Variants in SLF1 observed in about 807,000 individuals in gnomAD.
The protein encoded by SLF1 is SMC5/6 complex localization factor 1, also known as SMC5-SMC6 complex localization factor protein 1.
Under a neutral mutation model 123.0 loss-of-function variants are expected in SLF1, and 105 were observed. That is an observed-to-expected ratio of 0.85 (90% CI 0.73 to 1.00). The LOEUF (loss-of-function observed/expected upper bound fraction) is 1.00, where lower values mean the gene tolerates loss of function less well. Among genes scored for constraint, SLF1 ranks in the 50% least tolerant of loss-of-function variants. The pLI, the probability that SLF1 is intolerant of heterozygous loss-of-function variation, is 0.00. For synonymous variants in SLF1, 434 were observed against 406.6 expected (o/e 1.07, Z -0.81); for missense variants, 1,239 against 1,223.0 (o/e 1.01, Z -0.20).
chr5:94,649,517 G>A lies in SLF1; in HGVS notation c.658G>A (p.Glu220Lys), dbSNP rs1747438655. 2 of 1,543,460 alleles carry A rather than the reference G, an allele frequency of 1.3e-6. No individual in the cohort carries two copies. Among genetic ancestry groups the A allele is most frequent in the Non-Finnish European group, 1.8e-6 (2 of 1,141,344 alleles). The change falls in exon 6 of 21, where the codon GAA becomes AAA. Residue 220 changes from glutamate (E) to lysine (K), a missense_variant. By Grantham distance (56) the Glu-to-Lys change is moderately conservative (BLOSUM62 1). Coordinates refer to ENST00000265140, the MANE Select transcript of SLF1 (RefSeq NM_032290.4). ...NSVWTEHSNE[E>K]TNKDFRKDAG... ...TGTTTGGACTGAACATAGCAATGAA[G>A]AAACAAACAAAGATTTCAGGAAAGA...
chr5:94,677,531 TTAATTA>T (rs2152492912), intron 14 of SLF1, among the ~76,000 whole-genome samples: 1 of 152,308 alleles, frequency 6.6e-6, no homozygotes, highest in South Asian at 2.1e-4. Context: ...TAATATGGGA[TTAATTA>T]GAAAGAAATT....
intron 17 of SLF1, 134 bp downstream of exon 17, chr5:94,688,803 T>G: frequency 2.1e-6 from 2 of 941,104 alleles, no homozygotes; most frequent in Admixed American, 6.4e-5. Context: ...ATTTTAGATC[T>G]ATTTGATCAA....
At chr5:94,644,529 C>A (rs1378505638) in intron 5 of SLF1, among the ~76,000 whole-genome samples, 1 of 152,158 alleles carries the variant, frequency 6.6e-6, no homozygotes, top group Non-Finnish European at 1.5e-5. Flanking sequence ...TATATGAAAA[C>A]TCCTTCTCCC....
intron 6 of SLF1, among the ~76,000 whole-genome samples, chr5:94,649,969 A>G (rs943037430): frequency 8.5e-5 from 13 of 152,302 alleles, no homozygotes; most frequent in African/African-American, 2.6e-4. Flanking sequence ...AAGTATTTAT[A>G]TAGAATAAAA....
intron 5 of SLF1, among the ~76,000 whole-genome samples, chr5:94,644,457 A>G (rs1746787264): frequency 6.6e-6 from 1 of 152,050 alleles, no homozygotes; most frequent in Non-Finnish European, 1.5e-5. Context: ...TTCCCACAGG[A>G]TTCCTGTCAT....
At chr5:94,686,508 T>G in intron 15 of SLF1, 65 bp from the exon 16 acceptor site, 6 of 1,539,866 alleles carry the variant, frequency 3.9e-6, no homozygotes, top group Middle Eastern at 1.7e-4. Flanking sequence ...ACTAAGGAAA[T>G]AGCCTATGGA....
intron 9 of SLF1, among the ~76,000 whole-genome samples, chr5:94,657,214 C>A (rs982110178): frequency 2.6e-5 from 4 of 151,648 alleles, no homozygotes; most frequent in African/African-American, 7.3e-5. Flanking sequence ...ACTGCTTTTG[C>A]TGTATTCTAT....
At chr5:94,632,133 C>A (rs899523939) in intron 4 of SLF1, among the ~76,000 whole-genome samples, 1 of 151,934 alleles carries the variant, frequency 6.6e-6, no homozygotes, top group East Asian at 1.9e-4. Context: ...TTTTATATTC[C>A]CAGTAGTAGT....
chr5:94,676,777 T>G (rs1398395906), intron 14 of SLF1, among the ~76,000 whole-genome samples: 2 of 152,236 alleles, frequency 1.3e-5, no homozygotes, highest in African/African-American at 4.8e-5. Context: ...CAAGCTGGTT[T>G]TATGTGCTGC....
chr5:94,630,633 A>G lies in SLF1; in HGVS notation c.321A>G (p.Ala107=). The part of the protein sequence containing the change: ...DSRYSPQMQS[A]PKRWREELKR... ...GTTATTCACCTCAAATGCAATCTGC[A>G]CCTAAAAGATGGCGTGAAGAACTGA... Residue 107 remains alanine (A), a synonymous_variant, in exon 4 of 21, where the codon GCA becomes GCG. Transcript: ENST00000265140. The G allele has an allele frequency of 6.4e-7, 1 of 1,551,738 alleles. No individual in the cohort carries two copies.
chr5:94,672,363 C>T lies in SLF1; in HGVS notation c.1827+1355C>T, dbSNP rs191685972. On this transcript the variant is annotated intron_variant, in intron 14 of 20. Coordinates refer to ENST00000265140, the MANE Select transcript of SLF1 (RefSeq NM_032290.4). ...CCTCAGATCCATTTTCTCTTCTCTA[C>T]GTTTTAAATTACCATTAAACTTACG... is the stretch of plus-strand genomic sequence containing the variant. Among the ~76,000 whole-genome samples, 22 of 152,154 alleles carry T rather than the reference C, an allele frequency of 1.4e-4. No individual in the cohort carries two copies. The East Asian group carries it at 3.9e-3, about 27-fold the overall frequency.
At chr5:94,622,385 CTGAG>C (rs1262860305) in intron 1 of SLF1, among the ~76,000 whole-genome samples, 2 of 152,130 alleles carry the variant, frequency 1.3e-5, no homozygotes, top group African/African-American at 2.4e-5. Flanking sequence ...ATAACAAACA[CTGAG>C]AAACCACTAG....
At chr5:94,627,565 C>G (rs552379104) in intron 1 of SLF1, among the ~76,000 whole-genome samples, 180 of 126,100 alleles carry the variant, frequency 1.4e-3, no homozygotes, top group African/African-American at 5.1e-3. Flanking sequence ...TTCAGTCTAC[C>G]TTGTAAATGA....
chr5:94,679,360 G>A (rs1160134068), intron 15 of SLF1, among the ~76,000 whole-genome samples: 3 of 152,102 alleles, frequency 2.0e-5, no homozygotes, highest in African/African-American at 7.2e-5. Context: ...TTGGGAAGCC[G>A]AGGTGGGAGG....
At chr5:94,624,442 A>C (rs1192459692) in intron 1 of SLF1, among the ~76,000 whole-genome samples, 1 of 152,208 alleles carries the variant, frequency 6.6e-6, no homozygotes, top group Non-Finnish European at 1.5e-5. Context: ...CATATGGTTT[A>C]AGATGAAAAC....
At chr5:94,643,244 A>G in intron 4 of SLF1, 29 bp from the exon 5 acceptor site, 1 of 1,447,170 alleles carries the variant, frequency 6.9e-7, no homozygotes, top group Non-Finnish European at 9.2e-7. Flanking sequence ...ATTTTCTAAT[A>G]CTTTTATACC....
At chr5:94,647,767 A>AAT (rs3084517) in intron 5 of SLF1, among the ~76,000 whole-genome samples, 81,708 of 151,882 alleles carry the variant, frequency 0.54, 22,149 homozygotes, top group African/African-American at 0.61. Flanking sequence ...CTTAGAGAAA[A>AAT]ATATGTGGAT....
At chr5:94,641,562 G>C (rs1163691731) in intron 4 of SLF1, among the ~76,000 whole-genome samples, 1 of 152,140 alleles carries the variant, frequency 6.6e-6, no homozygotes, top group Non-Finnish European at 1.5e-5. Context: ...GTTTCTTTGT[G>C]CTTATTATGG....
intron 6 of SLF1, among the ~76,000 whole-genome samples, chr5:94,650,799 G>A (rs535324067): frequency 1.0e-3 from 153 of 152,230 alleles, no homozygotes; most frequent in Admixed American, 2.6e-3. Context: ...TTAATGAGAA[G>A]CTTTTTTGAG....
Sources: allele counts gnomAD v4.1 joint callset (sites outside exome capture counted in the v4.1 genomes callset), GRCh38; gene constraint gnomAD v4.1.1; transcripts MANE v1.5; gene names NCBI Gene and HGNC (gene_info 2026-07-23, HGNC 2026-07-21).